The following SFI1 variants were observed in gnomAD, a reference collection of about 807,000 sequenced individuals.
SFI1 encodes the protein protein SFI1 homolog.
Under a neutral mutation model 207.5 loss-of-function variants are expected in SFI1, and 195 were observed. The observed-to-expected ratio is 0.94, with a 90% confidence interval of 0.84 to 1.06. The LOEUF (loss-of-function observed/expected upper bound fraction) is 1.06, where lower values mean the gene tolerates loss of function less well. SFI1 is among the 50% of genes least tolerant of loss of function. The probability of loss-of-function intolerance (pLI) is 0.00; values close to 1 mark genes in which losing one functional copy is unlikely to be tolerated. For synonymous variants in SFI1, 630 were observed against 598.9 expected (o/e 1.05, Z -0.76); for missense variants, 1,634 against 1,588.0 (o/e 1.03, Z -0.49).
intron 6 of SFI1, among the ~76,000 whole-genome samples, chr22:31,553,838 GTTTTTTTTTTTTTTTTTTT>G (rs58333559): frequency 3.8e-4 from 10 of 26,308 alleles, no homozygotes; most frequent in African/African-American, 8.8e-4. Context: ...AATGGATTAT[GTTTTTTTTTTTTTTTTTTT>G]TTTTTTTTTT....
intron 20 of SFI1, 48 bp from the exon 21 acceptor site, chr22:31,606,280 C>T (rs756653832): frequency 6.5e-7 from 1 of 1,547,782 alleles, no homozygotes; most frequent in South Asian, 1.1e-5. Context: ...CCTCCCTTCT[C>T]TCTCTATCCT....
intron 2 of SFI1, among the ~76,000 whole-genome samples, chr22:31,518,709 T>C (rs1168536531): frequency 6.6e-6 from 1 of 152,184 alleles, no homozygotes; most frequent in Non-Finnish European, 1.5e-5. Flanking sequence ...TTCCCACCAT[T>C]CCCTAACTGA....
intron 1 of SFI1, among the ~76,000 whole-genome samples, chr22:31,506,002 C>T (rs1374216522): frequency 3.3e-5 from 5 of 150,102 alleles, no homozygotes; most frequent in East Asian, 3.9e-4. Context: ...CAGTGAGCTG[C>T]GATTGCACTG....
intron 15 of SFI1, among the ~76,000 whole-genome samples, chr22:31,593,137 C>T (rs1233930043): frequency 6.3e-5 from 9 of 142,134 alleles, no homozygotes; most frequent in African/African-American, 2.1e-4. Flanking sequence ...GGGGGCTGAC[C>T]CCCCCCCACC....
intron 4 of SFI1, among the ~76,000 whole-genome samples, chr22:31,543,071 C>T (rs776724446): frequency 5.6e-4 from 85 of 151,132 alleles, no homozygotes; most frequent in African/African-American, 1.9e-3. Flanking sequence ...CCCAGGTTCA[C>T]GCCATTCTCC....
At chr22:31,578,358 C>T in intron 10 of SFI1, 24 bp from the exon 11 acceptor site, 1 of 1,609,562 alleles carries the variant, frequency 6.2e-7, no homozygotes. Flanking sequence ...CTTGTTGGGA[C>T]TGGAGGCCTT....
chr22:31,510,380 A>G (rs2055318868), intron 2 of SFI1, among the ~76,000 whole-genome samples: 1 of 151,494 alleles, frequency 6.6e-6, no homozygotes, highest in Non-Finnish European at 1.5e-5. Context: ...AAAATTTTTA[A>G]TTACTCATTT....
chr22:31,549,313 AAAGAC>A (rs1355746003), intron 5 of SFI1, among the ~76,000 whole-genome samples: 1 of 150,494 alleles, frequency 6.6e-6, no homozygotes, highest in Non-Finnish European at 1.5e-5. Context: ...AAAAAAAAAA[AAAGAC>A]AAGATTGTCA....
chr22:31,582,221 TATATATATATATA>T (rs2064336992), intron 12 of SFI1, among the ~76,000 whole-genome samples: 4 of 34,580 alleles, frequency 1.2e-4, no homozygotes, highest in Admixed American at 2.8e-4. Context: ...TATATATATA[TATATATATATATA>T]TATTTTTTTT....
intron 2 of SFI1, among the ~76,000 whole-genome samples, chr22:31,513,128 C>G (rs554336682): frequency 4.2e-4 from 64 of 152,184 alleles, no homozygotes; most frequent in African/African-American, 1.5e-3. Flanking sequence ...TGAAATCAAG[C>G]TGTTTAACTT....
chr22:31,567,696 C>A (rs535639483), intron 8 of SFI1, among the ~76,000 whole-genome samples: 1 of 151,994 alleles, frequency 6.6e-6, no homozygotes, highest in African/African-American at 2.4e-5. Flanking sequence ...TAAAGTACTT[C>A]TGTGAATTTA....
chr22:31,568,230 T>C (rs130092), intron 8 of SFI1, among the ~76,000 whole-genome samples: 1 of 147,130 alleles, frequency 6.8e-6, no homozygotes, highest in African/African-American at 2.5e-5. Flanking sequence ...ATATATATTT[T>C]TTTTTTTTTA....
intron 1 of SFI1, among the ~76,000 whole-genome samples, chr22:31,504,707 A>T (rs2054352117): frequency 6.6e-6 from 1 of 152,156 alleles, no homozygotes; most frequent in African/African-American, 2.4e-5. Context: ...CTCAGGGGAG[A>T]ATCTGTTCCA....
rs758132814 is a variant in SFI1 at position 31,578,340 on chromosome 22, G to A, written c.1085-42G>A. ...CTTGCTGAGAATGCACTGTGTAGGG[G>A]TCAGAACCTTGTTGGGACTGGAGGC... On this transcript the variant is annotated intron_variant, in intron 10 of 32. Coordinates refer to ENST00000400288, the MANE Select transcript of SFI1 (RefSeq NM_001007467.3). 5.0e-6 allele frequency: 8 copies of A among 1,601,728 alleles called. No individual in the cohort carries two copies. The Admixed American group carries it at 1.0e-4, about 20-fold the overall frequency.
chr22:31,598,207 G>A (rs1159482942), intron 15 of SFI1, among the ~76,000 whole-genome samples: 3 of 151,682 alleles, frequency 2.0e-5, no homozygotes, highest in Non-Finnish European at 2.9e-5. Context: ...GAATGGTCTG[G>A]ATCTCCTGAC....
At chr22:31,535,672 C>T (rs939346588) in intron 4 of SFI1, among the ~76,000 whole-genome samples, 1 of 152,058 alleles carries the variant, frequency 6.6e-6, no homozygotes, top group Non-Finnish European at 1.5e-5. Flanking sequence ...ACGTGCACCA[C>T]CATGCCCGGC....
Position 31,578,417 on chromosome 22 carries a change from G to T in SFI1, c.1120G>T (p.Glu374Ter). ...GTGTGCAGAAGAAGCTGCCCAGTTT[G>T]AGATGGCAGAAGAGCACCACAGGCA... ...LLCAEEAAQF[E>*]MAEEHHRHSQ... The change falls in exon 11 of 33, where the codon GAG (glutamate) becomes TAG (stop). Residue 374 changes from glutamate to a stop codon, truncating the protein, a stop_gained. Transcript: ENST00000400288. LOFTEE classifies it high-confidence loss of function. 6.2e-7 allele frequency: 1 copy of T among 1,613,848 alleles called. No individual in the cohort carries two copies. Among genetic ancestry groups the T allele is most frequent in the South Asian group, 1.1e-5 (1 of 91,016 alleles).
At chr22:31,559,707 A>G (rs558053883) in intron 7 of SFI1, 2 of 840,072 alleles carry the variant, frequency 2.4e-6, no homozygotes, top group African/African-American at 1.7e-5. Flanking sequence ...AATCCATGCC[A>G]GTACAAGATC....
At chr22:31,499,462 G>A (rs1662471409) in intron 1 of SFI1, among the ~76,000 whole-genome samples, 2 of 152,132 alleles carry the variant, frequency 1.3e-5, no homozygotes, top group Admixed American at 6.6e-5. Flanking sequence ...GTGAATCACC[G>A]TGCCTGGTGA....
Sources: gnomAD v4.1 joint callset for allele counts (sites outside exome capture counted in the v4.1 genomes callset) on GRCh38, gnomAD v4.1.1 for gene constraint, MANE v1.5 for transcripts, NCBI Gene and HGNC (gene_info 2026-07-23, HGNC 2026-07-21) for gene names.